The following PPARD variants were observed in gnomAD, a reference collection of about 807,000 sequenced individuals.
PPARD encodes the protein peroxisome proliferator-activated receptor delta.
Under a neutral mutation model 39.5 loss-of-function variants are expected in PPARD, and 6 were observed. That is an observed-to-expected ratio of 0.15 (90% CI 0.08 to 0.30). The LOEUF is 0.30. Ranked by LOEUF, PPARD falls within the 10% of genes least tolerant of loss-of-function variation. The pLI is 1.00. For missense variants in PPARD, 397 were observed against 596.8 expected (o/e 0.67, Z 3.49); for synonymous variants, 210 against 231.3 (o/e 0.91, Z 0.83).
chr6:35,411,219 T>G lies in PPARD; in HGVS notation c.130+2T>G. The G allele has an allele frequency of 1.3e-6, 2 of 1,517,290 alleles. No homozygotes were observed. Among genetic ancestry groups the G allele is most frequent in the African/African-American group, 1.4e-5 (1 of 71,148 alleles). The allele number at this position is 1,517,290 out of a possible 1,614,324, so 94.0% of individuals were successfully genotyped here. ...CACTTCCTTCCAGCAGCTACACAGG[T>G]GAGGAGAGGACTGGCAGGGGACACG... On this transcript the variant is annotated splice_donor_variant, in intron 3 of 7. Transcript: ENST00000360694. LOFTEE classifies it high-confidence loss of function.
chr6:35,410,444 A>C (rs977241388), intron 2 of PPARD, among the ~76,000 whole-genome samples: 6 of 152,236 alleles, frequency 3.9e-5, no homozygotes, highest in Non-Finnish European at 8.8e-5. Context: ...CCATGGTTGC[A>C]GATCTGCTGT....
intron 2 of PPARD, among the ~76,000 whole-genome samples, chr6:35,406,745 C>G (rs916227861): frequency 6.6e-6 from 1 of 152,166 alleles, no homozygotes; most frequent in East Asian, 1.9e-4. Flanking sequence ...CACTTACTTA[C>G]ACCTCCCGAA....
chr6:35,375,209 GT>G (rs558275286), intron 2 of PPARD, among the ~76,000 whole-genome samples: 5,487 of 58,974 alleles, frequency 0.093, 49 homozygotes, highest in African/African-American at 0.26. Context: ...CTCCTTCCGA[GT>G]TTTTTTTTTT....
At chr6:35,350,718 C>T (rs1481700795) in intron 2 of PPARD, among the ~76,000 whole-genome samples, 3 of 132,360 alleles carry the variant, frequency 2.3e-5, no homozygotes, top group Non-Finnish European at 3.1e-5. Context: ...CTCTGCCTCC[C>T]GTGTTCGAGC....
intron 2 of PPARD, among the ~76,000 whole-genome samples, chr6:35,357,155 G>A (rs1193092538): frequency 6.6e-6 from 1 of 152,140 alleles, no homozygotes; most frequent in Non-Finnish European, 1.5e-5. Context: ...GATTGCCATT[G>A]ACCTGCCCAT....
chr6:35,362,147 A>G (rs965933726), intron 2 of PPARD, among the ~76,000 whole-genome samples: 1 of 151,632 alleles, frequency 6.6e-6, no homozygotes, highest in Non-Finnish European at 1.5e-5. Flanking sequence ...ATACCTAGTT[A>G]TTTTTTCTGT....
chr6:35,373,366 C>A (rs1369677844), intron 2 of PPARD, among the ~76,000 whole-genome samples: 1 of 152,170 alleles, frequency 6.6e-6, no homozygotes, highest in Non-Finnish European at 1.5e-5. Flanking sequence ...TTAGGTATCG[C>A]TATTATAGAG....
At chr6:35,409,857 A>T (rs1765310009) in intron 2 of PPARD, among the ~76,000 whole-genome samples, 1 of 152,184 alleles carries the variant, frequency 6.6e-6, no homozygotes, top group Non-Finnish European at 1.5e-5. Flanking sequence ...AAGAAACCCA[A>T]TGTCCAAGCT....
At chr6:35,389,253 G>A (rs1288970554) in intron 2 of PPARD, among the ~76,000 whole-genome samples, 1 of 152,182 alleles carries the variant, frequency 6.6e-6, no homozygotes, top group Non-Finnish European at 1.5e-5. Flanking sequence ...CTTGTAGGGT[G>A]CTGGAAATGT....
intron 1 of PPARD, among the ~76,000 whole-genome samples, chr6:35,343,725 C>T (rs1267568086): frequency 6.6e-6 from 1 of 152,182 alleles, no homozygotes; most frequent in East Asian, 1.9e-4. Context: ...TTGGGGGAGA[C>T]GGCGCTGAGC....
chr6:35,405,274 G>A (rs1388990878), intron 2 of PPARD, among the ~76,000 whole-genome samples: 3 of 151,950 alleles, frequency 2.0e-5, no homozygotes, highest in African/African-American at 4.8e-5. Context: ...CCTGACCTCA[G>A]GTGATCTGCC....
At chr6:35,387,142 C>T (rs1425936170) in intron 2 of PPARD, among the ~76,000 whole-genome samples, 6 of 152,084 alleles carry the variant, frequency 3.9e-5, no homozygotes, top group Non-Finnish European at 8.8e-5. Context: ...TTTTGGCTAC[C>T]AAGCAAAAGG....
chr6:35,420,572 G>A (rs889192701), intron 4 of PPARD, among the ~76,000 whole-genome samples: 1 of 152,180 alleles, frequency 6.6e-6, no homozygotes, highest in Non-Finnish European at 1.5e-5. Flanking sequence ...AGGGTCTTGG[G>A]CTGAGCCATC....
In PPARD at chr6:35,420,177, G is replaced by A. The variant is rs1470495586; in HGVS notation, c.181G>A (p.Gly61Ser). 1.9e-6 allele frequency: 3 copies of A among 1,613,534 alleles called. No individual in the cohort carries two copies. Among genetic ancestry groups the A allele is most frequent in the African/African-American group, 2.7e-5 (2 of 74,904 alleles). ...CTCACTGCTGGACCAACTGCAGATG[G>A]GCTGTGACGGGGCCTCATGCGGCAG... is the stretch of plus-strand genomic sequence containing the variant. ...PPSLLDQLQM[G>S]CDGASCGSLN... is the part of the protein sequence containing the mutation. The change falls in exon 4 of 8, where the codon GGC (glycine) becomes AGC (serine). Residue 61 changes from glycine to serine, a missense_variant. Transcript: ENST00000360694.
intron 2 of PPARD, among the ~76,000 whole-genome samples, chr6:35,384,991 G>A (rs554801751): frequency 4.3e-5 from 6 of 139,438 alleles, no homozygotes; most frequent in Admixed American, 6.8e-5. Context: ...CGGGCCAGCC[G>A]CCCCGTCCGG....
chr6:35,361,509 TAAAA>T (rs891676052), intron 2 of PPARD, among the ~76,000 whole-genome samples: 4 of 152,044 alleles, frequency 2.6e-5, no homozygotes, highest in African/African-American at 7.2e-5. Flanking sequence ...AAAATAATAA[TAAAA>T]AAAGAAAAAT....
chr6:35,384,989 C>T (rs1421865581), intron 2 of PPARD, among the ~76,000 whole-genome samples: 6 of 140,734 alleles, frequency 4.3e-5, no homozygotes, highest in Non-Finnish European at 7.6e-5. Flanking sequence ...GCCGGGCCAG[C>T]CGCCCCGTCC....
intron 2 of PPARD, chr6:35,349,069 A>G: frequency 5.2e-6 from 5 of 956,336 alleles, no homozygotes; most frequent in Non-Finnish European, 6.2e-6. Context: ...TCTGTCACCC[A>G]GGCTGGAGTG....
At chr6:35,396,568 T>C (rs1292835703) in intron 2 of PPARD, among the ~76,000 whole-genome samples, 7 of 143,870 alleles carry the variant, frequency 4.9e-5, no homozygotes, top group Non-Finnish European at 7.5e-5. Flanking sequence ...TGGTGGCTCA[T>C]GCCTATAATC....
Sources: gnomAD v4.1 joint callset for allele counts (sites outside exome capture counted in the v4.1 genomes callset) on GRCh38, gnomAD v4.1.1 for gene constraint, MANE v1.5 for transcripts, NCBI Gene and HGNC (gene_info 2026-07-23, HGNC 2026-07-21) for gene names.